The following PSMD5 variants were observed in gnomAD, a reference collection of about 807,000 sequenced individuals.
The protein encoded by PSMD5 is proteasome 26S subunit, non-ATPase 5, also known as 26S proteasome non-ATPase regulatory subunit 5.
In PSMD5, 40 loss-of-function variants were observed where a neutral mutation model predicts 52.1. The observed-to-expected ratio is 0.77, with a 90% CI of 0.60 to 1.00. The LOEUF (loss-of-function observed/expected upper bound fraction) is 1.00. PSMD5 is among the 50% of genes least tolerant of loss of function. The pLI is 0.00. For missense variants in PSMD5, 575 were observed against 605.2 expected (o/e 0.95, Z 0.52); for synonymous variants, 211 against 226.6 (o/e 0.93, Z 0.62).
rs367762117 is a variant in PSMD5, at chr9:120,826,761, T to C, written c.814+4A>G. On this transcript the variant is annotated splice_donor_region_variant and intron_variant, in intron 6 of 9. Transcript: ENST00000210313. ...TCATTTCCATAGGCATCAGTGTTCC[T>C]TACCTGGCAGATAGAAGCTAGAGAA... 6.2e-7 allele frequency: 1 copy of C among 1,613,324 alleles called. No individual in the cohort carries two copies. The highest frequency in any genetic ancestry group is 8.5e-7 in the Non-Finnish European group (1 of 1,179,580).
At position 120,817,843 on chromosome 9, in the gene PSMD5, A is replaced by T; in HGVS notation, c.*63T>A. On this transcript the variant is annotated 3_prime_UTR_variant, in exon 10 of 10. Transcript: ENST00000210313. ...AGTCTCTTTTGTGAAATATAGATGG[A>T]GTCAAATGCCTTAGGAGAAGTTTTG... is the stretch of plus-strand genomic sequence containing the variant. The T allele has an allele frequency of 6.7e-7, 1 of 1,487,424 alleles. No individual in the cohort carries two copies. Among genetic ancestry groups the T allele is most frequent in the Non-Finnish European group, 9.1e-7 (1 of 1,098,072 alleles). 92.1% of individuals were successfully genotyped at this position (1,487,424 alleles called of 1,614,324 possible).
chr9:120,817,992 T>G lies in PSMD5; in HGVS notation c.1429A>C (p.Asn477His). 1 of 1,614,202 alleles carries G rather than the reference T, an allele frequency of 6.2e-7. No homozygotes were observed. ...AGGTAAGTTCTGAGCCTCAAATAAT[T>G]TGGGTTCCCAAAGATTTCTGCAATT... ...KTIAEIFGNP[N>H]YLRLRTYLSE... Residue 477 changes from asparagine (N) to histidine (H), a missense_variant, in exon 10 of 10, where the codon AAT becomes CAT. Asn to His is a moderately conservative substitution (Grantham distance 68, BLOSUM62 1). Transcript: ENST00000210313.
At chr9:120,820,102 A>G (rs959177307) in intron 9 of PSMD5, among the ~76,000 whole-genome samples, 6 of 152,236 alleles carry the variant, frequency 3.9e-5, no homozygotes, top group African/African-American at 1.4e-4. Flanking sequence ...ACAAGTCGAT[A>G]AATAAACATT....
At position 120,831,224 on chromosome 9, in the gene PSMD5, T is replaced by C. The variant is rs368295041; in HGVS notation, c.561+107A>G. On this transcript the variant is annotated intron_variant, in intron 4 of 9. Transcript: ENST00000210313. ...GCATCCTTATATTCCCAGCACCTAC[T>C]GTAGGGCCAAACACAGATTATATAC... 30 of 1,214,854 alleles carry C rather than the reference T, an allele frequency of 2.5e-5. 2 individuals are homozygous for C. In the South Asian group the frequency reaches 5.3e-4, roughly 21 times the overall value. The allele number at this position is 1,214,854 out of a possible 1,614,324, so 75.3% of individuals were successfully genotyped here. A position where few individuals can be genotyped will look rare whatever the true frequency, so the allele number is the denominator to read the frequency against.
chr9:120,829,196 T>C lies in PSMD5; in HGVS notation c.574A>G (p.Ile192Val). ...AAAGATTCTGGTGACACGGAAGAAATCTCTATAATTAGCTGAAATAAAAAA... is the reference window on the plus strand; with the variant it reads ...AAAGATTCTGGTGACACGGAAGAAACCTCTATAATTAGCTGAAATAAAAAA... ...RYRVYELIIEISSVSPESLNY... is the reference protein window; with the variant it reads ...RYRVYELIIEVSSVSPESLNY... Residue 192 changes from isoleucine to valine, a missense_variant, in exon 5 of 10, where the codon ATT becomes GTT. Transcript: ENST00000210313. The C allele has an allele frequency of 1.3e-6, 2 of 1,585,934 alleles. No homozygotes were observed. The highest frequency in any genetic ancestry group is 1.7e-6 in the Non-Finnish European group (2 of 1,168,806).
intron 5 of PSMD5, 144 bp from the exon 6 acceptor site, chr9:120,827,051 C>T: frequency 1.3e-6 from 1 of 762,974 alleles, no homozygotes; most frequent in South Asian, 2.7e-5. Context: ...TCACATGAAG[C>T]CCTAAGGCCT....
intron 1 of PSMD5, among the ~76,000 whole-genome samples, chr9:120,839,468 G>A (rs1190924980): frequency 1.3e-5 from 2 of 152,088 alleles, no homozygotes; most frequent in Non-Finnish European, 2.9e-5. Context: ...CCTAGCAATA[G>A]GGAAAAAATG....
chr9:120,831,803 A>T lies in PSMD5; in HGVS notation c.432+29T>A, dbSNP rs767074509. On this transcript the variant is annotated intron_variant, in intron 3 of 9. Coordinates refer to ENST00000210313, the MANE Select transcript of PSMD5 (RefSeq NM_005047.4). ...TTTTGGGACACCGATGTCTCTGCAC[A>T]TTTAAGTCAATGATTCTAGTAGACT... The T allele has an allele frequency of 4.4e-6, 7 of 1,601,300 alleles. No individual in the cohort carries two copies. The Admixed American group carries it at 1.2e-4, about 28-fold the overall frequency.
intron 1 of PSMD5, among the ~76,000 whole-genome samples, chr9:120,835,793 AGAG>A (rs1306011553): frequency 6.6e-6 from 1 of 152,116 alleles, no homozygotes; most frequent in Admixed American, 6.6e-5. Flanking sequence ...GGAACGGGGA[AGAG>A]GAGGAATGAG....
chr9:120,829,097 A>G lies in PSMD5; in HGVS notation c.671+2T>C. On this transcript the variant is annotated splice_donor_variant, in intron 5 of 9. Coordinates refer to ENST00000210313, the MANE Select transcript of PSMD5 (RefSeq NM_005047.4). LOFTEE classifies it high-confidence loss of function. ...TTCACTTTAAGAACTCAGTCAACAC[A>G]CCTGACCAACACATCCTCACCAGTC... 1 of 1,579,004 alleles carries G rather than the reference A, an allele frequency of 6.3e-7. No individual in the cohort carries two copies. Among genetic ancestry groups the G allele is most frequent in the Non-Finnish European group, 8.6e-7 (1 of 1,163,424 alleles).
At chr9:120,827,634 A>C (rs1040440310) in intron 5 of PSMD5, among the ~76,000 whole-genome samples, 2 of 152,242 alleles carry the variant, frequency 1.3e-5, no homozygotes, top group Non-Finnish European at 2.9e-5. Flanking sequence ...CATTAGGTTG[A>C]GACACTCAAA....
chr9:120,842,829 G>A lies in PSMD5; in HGVS notation c.81C>T (p.Ser27=), dbSNP rs763151713. Residue 27 remains serine, a synonymous_variant, in exon 1 of 10, where the codon TCC becomes TCT. Transcript: ENST00000210313. Reference sequence around the variant, plus strand: ...CGTTGAGCGGCACTGCCTGCAGCACGGAGTGAAGCGCGCGTAGCTCCTCCA... The same window carrying A: ...CGTTGAGCGGCACTGCCTGCAGCACAGAGTGAAGCGCGCGTAGCTCCTCCA... ...APLEELRALH[S]VLQAVPLNEL... The A allele has an allele frequency of 3.7e-6, 6 of 1,610,730 alleles. No homozygotes were observed. In the African/African-American group the frequency reaches 4.0e-5, roughly 11 times the overall value.
intron 3 of PSMD5, 80 bp from the exon 4 acceptor site, chr9:120,831,539 GCATGGAATGCACCTTGCC>G: frequency 4.2e-6 from 6 of 1,438,706 alleles, no homozygotes; most frequent in Non-Finnish European, 4.7e-6. Context: ...TAAAAATAGT[GCATGGAATGCACCTTGCC>G]CATGTTTTAG....
chr9:120,824,380 C>T (rs1466022861), intron 7 of PSMD5, 114 bp downstream of exon 7: 2 of 962,412 alleles, frequency 2.1e-6, no homozygotes, highest in East Asian at 5.1e-5. Context: ...GTTAACAAGA[C>T]TGCCACCCAT....
intron 7 of PSMD5, 74 bp from the exon 8 acceptor site, chr9:120,821,538 A>G (rs2045084711): frequency 2.8e-6 from 3 of 1,082,852 alleles, no homozygotes; most frequent in Middle Eastern, 2.4e-4. Context: ...CATTTTAACC[A>G]TTTTTAGTGT....
intron 5 of PSMD5, 38 bp from the exon 6 acceptor site, chr9:120,826,945 A>G: frequency 1.3e-6 from 2 of 1,586,256 alleles, no homozygotes; most frequent in Non-Finnish European, 1.7e-6. Flanking sequence ...GAGATTTTGC[A>G]CAGGATTTGC....
intron 3 of PSMD5, 44 bp from the exon 4 acceptor site, chr9:120,831,503 T>A (rs2045159829): frequency 1.9e-6 from 3 of 1,556,226 alleles, no homozygotes; most frequent in Non-Finnish European, 2.6e-6. Flanking sequence ...AAAATGCAGG[T>A]TATTATCTAC....
At chr9:120,821,567 G>T in intron 7 of PSMD5, 103 bp from the exon 8 acceptor site, 1 of 703,468 alleles carries the variant, frequency 1.4e-6, no homozygotes, top group Non-Finnish European at 2.2e-6. Context: ...GTGCTATTAA[G>T]TACATTCACA....
At chr9:120,822,450 G>T (rs1415833608) in intron 7 of PSMD5, among the ~76,000 whole-genome samples, 1 of 152,146 alleles carries the variant, frequency 6.6e-6, no homozygotes. Context: ...ACTGTAAAAC[G>T]ATTGTCATAG....
Sources: allele counts gnomAD v4.1 joint callset (sites outside exome capture counted in the v4.1 genomes callset), GRCh38; gene constraint gnomAD v4.1.1; transcripts MANE v1.5; gene names NCBI Gene and HGNC (gene_info 2026-07-23, HGNC 2026-07-21).